The following TRPM6 variants were observed in gnomAD, a reference collection of about 807,000 sequenced individuals.
TRPM6 encodes the protein channel kinase 2.
Under a neutral mutation model 247.6 loss-of-function variants are expected in TRPM6, and 111 were observed. The ratio of observed to expected loss-of-function variants is 0.45; its 90% CI spans 0.38 to 0.52. The LOEUF is 0.52. Ranked by LOEUF, TRPM6 falls within the 20% of genes least tolerant of loss-of-function variation. TRPM6 has a pLI of 0.00. For synonymous variants in TRPM6, 892 were observed against 853.8 expected (o/e 1.04, Z -0.78); for missense variants, 2,126 against 2,421.5 (o/e 0.88, Z 2.56).
chr9:74,743,986 A>T, intron 32 of TRPM6, 109 bp downstream of exon 32: 1 of 1,088,274 alleles, frequency 9.2e-7, no homozygotes, highest in Non-Finnish European at 1.4e-6. Flanking sequence ...ATAACTTTTC[A>T]AGTCGCGAGC....
At chr9:74,843,653 C>CAAA (rs556783609) in intron 3 of TRPM6, among the ~76,000 whole-genome samples, 321 of 139,024 alleles carry the variant, frequency 2.3e-3, no homozygotes, top group African/African-American at 8.1e-3. Context: ...CTAAAAAATA[C>CAAA]AAAAAAAAAA....
intron 23 of TRPM6, among the ~76,000 whole-genome samples, chr9:74,780,822 G>A (rs1827412080): frequency 6.6e-6 from 1 of 151,906 alleles, no homozygotes; most frequent in Non-Finnish European, 1.5e-5. Context: ...GTGTAGAGCA[G>A]AGAAAAAGTA....
In TRPM6 at chr9:74,887,870, G is replaced by A; in HGVS notation, c.-14C>T. 1 of 1,613,988 alleles carries A rather than the reference G, an allele frequency of 6.2e-7. No individual in the cohort carries two copies. Among genetic ancestry groups the A allele is most frequent in the South Asian group, 1.1e-5 (1 of 91,084 alleles). Reference sequence around the variant, plus strand: ...TTGTTCTTTCATCTTTGATTTGCAGGCCCTGCTCCCAAAGCCCTGTCTGAG... The same window carrying A: ...TTGTTCTTTCATCTTTGATTTGCAGACCCTGCTCCCAAAGCCCTGTCTGAG... On this transcript the variant is annotated 5_prime_UTR_variant, in exon 1 of 39. Coordinates refer to ENST00000360774, the MANE Select transcript of TRPM6 (RefSeq NM_017662.5).
chr9:74,774,201 T>C (rs1052932826), intron 24 of TRPM6, among the ~76,000 whole-genome samples: 7 of 152,268 alleles, frequency 4.6e-5, no homozygotes, highest in African/African-American at 1.7e-4. Context: ...TTTACTTGAG[T>C]TTTATATGAA....
chr9:74,845,539 A>C (rs561268416), intron 3 of TRPM6, among the ~76,000 whole-genome samples: 1 of 152,358 alleles, frequency 6.6e-6, no homozygotes, highest in Non-Finnish European at 1.5e-5. Context: ...CAATCACAAA[A>C]AGATAAACAG....
In TRPM6 at chr9:74,872,398, A is replaced by C. The variant is rs12348835; in HGVS notation, c.34-13650T>G. On this transcript the variant is annotated intron_variant, in intron 1 of 38. Coordinates refer to ENST00000360774, the MANE Select transcript of TRPM6 (RefSeq NM_017662.5). Reference sequence around the variant, plus strand: ...GCAATCCTCCCACTGCAGCCTCCCAAGTAGCTGGGGTTGCAGGCATGAGCT... The same window carrying C: ...GCAATCCTCCCACTGCAGCCTCCCACGTAGCTGGGGTTGCAGGCATGAGCT... Among the ~76,000 whole-genome samples, 1,106 of 152,194 alleles carry C rather than the reference A, an allele frequency of 7.3e-3. 15 individuals carry two copies. The highest frequency in any genetic ancestry group is 0.025 in the African/African-American group (1,042 of 41,530).
At chr9:74,745,001 T>A (rs1489322188) in intron 31 of TRPM6, among the ~76,000 whole-genome samples, 2 of 152,204 alleles carry the variant, frequency 1.3e-5, no homozygotes, top group Non-Finnish European at 2.9e-5. Flanking sequence ...ACAAAAAGTA[T>A]TCCTCTCCCA....
At chr9:74,813,819 G>A (rs545851551) in intron 11 of TRPM6, among the ~76,000 whole-genome samples, 28 of 152,312 alleles carry the variant, frequency 1.8e-4, no homozygotes, top group African/African-American at 3.8e-4. Flanking sequence ...ATTCTGGGCC[G>A]GGCACAGGGG....
intron 3 of TRPM6, among the ~76,000 whole-genome samples, chr9:74,851,421 T>C (rs1343013939): frequency 1.3e-5 from 2 of 152,074 alleles, no homozygotes; most frequent in Non-Finnish European, 2.9e-5. Flanking sequence ...CTCAAAATAT[T>C]TTTCAGGGAA....
In TRPM6 at chr9:74,810,111, A is replaced by T. The variant is rs1053076092; in HGVS notation, c.1497+704T>A. 2.3e-4 allele frequency among the ~76,000 whole-genome samples: 35 copies of T among 152,226 alleles called. 1 individual carries two copies. Among genetic ancestry groups the T allele is most frequent in the South Asian group, 8.3e-4 (4 of 4,822 alleles). On this transcript the variant is annotated intron_variant, in intron 13 of 38. Coordinates refer to ENST00000360774, the MANE Select transcript of TRPM6 (RefSeq NM_017662.5). The stretch of plus-strand genomic sequence containing the variant: ...GACTTTGGAAAAACAAGAGAATTTT[A>T]AAAATGTGCCTTGGATTTTAACCAT...
At chr9:74,814,084 G>A (rs989524975) in intron 11 of TRPM6, among the ~76,000 whole-genome samples, 15 of 152,320 alleles carry the variant, frequency 9.8e-5, no homozygotes, top group South Asian at 2.1e-4. Context: ...GCCACAGAGT[G>A]AGACTCCATC....
At chr9:74,849,560 AT>A (rs2118272939) in intron 3 of TRPM6, among the ~76,000 whole-genome samples, 1 of 152,196 alleles carries the variant, frequency 6.6e-6, no homozygotes, top group South Asian at 2.1e-4. Context: ...TTGGTCTTGG[AT>A]TTCTGACCTC....
intron 36 of TRPM6, among the ~76,000 whole-genome samples, chr9:74,734,507 T>C (rs1224428645): frequency 2.6e-5 from 4 of 152,150 alleles, no homozygotes; most frequent in Non-Finnish European, 5.9e-5. Context: ...ATACCTCCCT[T>C]AATCTCTTTG....
chr9:74,815,244 G>C (rs981837459), intron 11 of TRPM6, among the ~76,000 whole-genome samples: 4 of 151,680 alleles, frequency 2.6e-5, no homozygotes, highest in Non-Finnish European at 5.9e-5. Flanking sequence ...CACTGGAAAA[G>C]AAAGATTTTT....
chr9:74,853,773 T>C (rs1014419224), intron 3 of TRPM6, among the ~76,000 whole-genome samples: 4 of 152,012 alleles, frequency 2.6e-5, no homozygotes, highest in Non-Finnish European at 4.4e-5. Flanking sequence ...TGTTCACATG[T>C]TTATCTGCTG....
intron 19 of TRPM6, among the ~76,000 whole-genome samples, chr9:74,790,756 T>C (rs1827872641): frequency 6.6e-6 from 1 of 152,184 alleles, no homozygotes; most frequent in Non-Finnish European, 1.5e-5. Flanking sequence ...TATACGAATC[T>C]GGAAGATTTA....
intron 3 of TRPM6, among the ~76,000 whole-genome samples, chr9:74,853,598 C>A (rs1051845284): frequency 2.6e-5 from 4 of 152,152 alleles, no homozygotes; most frequent in Non-Finnish European, 4.4e-5. Context: ...TGTGTCCACT[C>A]AGGGTTAAAT....
Position 74,738,486 on chromosome 9 carries a change from G to A in TRPM6, c.5697C>T (p.Thr1899=), listed in dbSNP as rs200429850. The part of the protein sequence containing the change: ...NNGDEITPTN[T]LEELMLAFSH... ...AGAAAGCCAACATCAGCTCCTCCAGGGTGTTGGTGGGGGTGATTTCATCAC... is the reference window on the plus strand; with the variant it reads ...AGAAAGCCAACATCAGCTCCTCCAGAGTGTTGGTGGGGGTGATTTCATCAC... Residue 1899 remains threonine (T), a synonymous_variant, in exon 36 of 39, where the codon ACC becomes ACT. Coordinates refer to ENST00000360774, the MANE Select transcript of TRPM6 (RefSeq NM_017662.5). 9.9e-6 allele frequency: 16 copies of A among 1,614,096 alleles called. No homozygotes were observed. The highest frequency in any genetic ancestry group is 1.7e-5 in the Admixed American group (1 of 60,010).
chr9:74,798,694 C>A (rs561504159), intron 17 of TRPM6, among the ~76,000 whole-genome samples: 1 of 152,248 alleles, frequency 6.6e-6, no homozygotes, highest in African/African-American at 2.4e-5. Flanking sequence ...CAATTATTTG[C>A]AAATGTGTTT....
Sources: allele counts gnomAD v4.1 joint callset (sites outside exome capture counted in the v4.1 genomes callset), GRCh38; gene constraint gnomAD v4.1.1; transcripts MANE v1.5; gene names NCBI Gene and HGNC (gene_info 2026-07-23, HGNC 2026-07-21).